BABAM2: variants seen among roughly 807,000 people sequenced by gnomAD.
BABAM2 encodes BRISC and BRCA1-A complex member 2.
In BABAM2, 31 loss-of-function variants were observed where a neutral mutation model predicts 54.7. The observed-to-expected ratio is 0.57, with a 90% CI of 0.43 to 0.77. BABAM2 has a LOEUF of 0.77. BABAM2 is among the 30% of genes least tolerant of loss of function. The pLI, the probability that BABAM2 is intolerant of heterozygous loss-of-function variation, is 0.00. For synonymous variants in BABAM2, 167 were observed against 162.9 expected, an observed-to-expected ratio of 1.03 and a Z score of -0.19; for missense variants, 364 against 455.8, an observed-to-expected ratio of 0.80 and a Z score of 1.83.
chr2:28,090,602 C>T (rs925169525), intron 6 of BABAM2, among the ~76,000 whole-genome samples: 7 of 152,118 alleles, frequency 4.6e-5, no homozygotes, highest in Non-Finnish European at 1.0e-4. Context: ...CTATCGGAAT[C>T]TTTAATTTTG....
At chr2:28,072,911 T>C (rs538907673) in intron 6 of BABAM2, among the ~76,000 whole-genome samples, 15 of 152,358 alleles carry the variant, frequency 9.8e-5, no homozygotes, top group South Asian at 8.3e-4. Flanking sequence ...GGTTAATCTA[T>C]TTCAACTGTA....
intron 10 of BABAM2, among the ~76,000 whole-genome samples, chr2:28,289,112 A>C (rs1687070788): frequency 6.6e-6 from 1 of 152,018 alleles, no homozygotes; most frequent in South Asian, 2.1e-4. Flanking sequence ...CACACACTTT[A>C]AAGATTCATA....
intron 10 of BABAM2, among the ~76,000 whole-genome samples, chr2:28,273,762 C>T (rs1415800137): frequency 6.6e-6 from 1 of 151,992 alleles, no homozygotes; most frequent in East Asian, 1.9e-4. Flanking sequence ...AATCTGATAC[C>T]CAGCAAGTGT....
chr2:28,247,181 C>G (rs1303740453), intron 10 of BABAM2, among the ~76,000 whole-genome samples: 1 of 152,112 alleles, frequency 6.6e-6, no homozygotes, highest in Non-Finnish European at 1.5e-5. Flanking sequence ...TCCTGTACTC[C>G]CCCGGCTGTT....
At chr2:28,032,260 C>T (rs1416117728) in intron 5 of BABAM2, among the ~76,000 whole-genome samples, 1 of 152,122 alleles carries the variant, frequency 6.6e-6, no homozygotes, top group African/African-American at 2.4e-5. Context: ...TAAAAACATT[C>T]CTGCTCTAAA....
At chr2:27,993,130 C>G (rs912970377) in intron 4 of BABAM2, among the ~76,000 whole-genome samples, 1 of 152,124 alleles carries the variant, frequency 6.6e-6, no homozygotes, top group African/African-American at 2.4e-5. Flanking sequence ...GAGGGGTTTT[C>G]TGGGATGCAG....
intron 6 of BABAM2, among the ~76,000 whole-genome samples, chr2:28,080,673 T>G (rs1040632856): frequency 6.6e-6 from 1 of 152,184 alleles, no homozygotes; most frequent in African/African-American, 2.4e-5. Flanking sequence ...GGTTCAAATA[T>G]TTGAAAGAGA....
intron 2 of BABAM2, among the ~76,000 whole-genome samples, chr2:27,923,655 T>A (rs1460337820): frequency 6.6e-6 from 1 of 151,630 alleles, no homozygotes; most frequent in Non-Finnish European, 1.5e-5. Flanking sequence ...TCATAGTTCA[T>A]GTTCATTATA....
chr2:28,059,180 T>A (rs1678669825), intron 6 of BABAM2, among the ~76,000 whole-genome samples: 1 of 152,332 alleles, frequency 6.6e-6, no homozygotes. Context: ...AATACAGAAC[T>A]AGAAGAGAGG....
At chr2:28,318,498 G>T (rs1324443251) in intron 11 of BABAM2, among the ~76,000 whole-genome samples, 1 of 152,118 alleles carries the variant, frequency 6.6e-6, no homozygotes, top group Non-Finnish European at 1.5e-5. Context: ...AATCTCTAGG[G>T]TTTTCAAATC....
chr2:28,312,253 C>T (rs1355036434), intron 11 of BABAM2, among the ~76,000 whole-genome samples: 1 of 152,168 alleles, frequency 6.6e-6, no homozygotes, highest in Non-Finnish European at 1.5e-5. Flanking sequence ...AAGATTCTGT[C>T]TTGTCTTTTG....
chr2:28,114,033 G>A (rs1668372895), intron 6 of BABAM2, among the ~76,000 whole-genome samples: 1 of 152,088 alleles, frequency 6.6e-6, no homozygotes, highest in South Asian at 2.1e-4. Context: ...AAAATAATAA[G>A]AGCTATTTAT....
chr2:28,298,406 AAC>A lies in BABAM2; in HGVS notation c.1005_1006del (p.Asn335LysfsTer22). 1 of 1,614,184 alleles carries A rather than the reference AAC, an allele frequency of 6.2e-7. No individual in the cohort carries two copies. Among genetic ancestry groups the A allele is most frequent in the Non-Finnish European group, 8.5e-7 (1 of 1,180,030 alleles). ...ATTTCAGTCCGTTTATCACTTTACC[AAC>A]AGTGGACAGCTTTACTCCCAGGCCC... is the stretch of plus-strand genomic sequence containing the variant. Reference protein sequence around the residue: ...LTFQSVYHFTNSGQLYSQAQK... With the variant: ...LTFQSVYHFTXSGQLYSQAQK... On this transcript the variant is annotated frameshift_variant, in exon 11 of 12. Coordinates refer to ENST00000379624, the MANE Select transcript of BABAM2 (RefSeq NM_199191.3). LOFTEE classifies it high-confidence loss of function.
At chr2:28,203,503 A>G (rs140200243) in intron 7 of BABAM2, among the ~76,000 whole-genome samples, 109 of 152,226 alleles carry the variant, frequency 7.2e-4, no homozygotes, top group African/African-American at 2.5e-3. Context: ...TATCATCACC[A>G]CCAGTCGGTG....
chr2:28,264,160 T>C (rs982407465), intron 10 of BABAM2, among the ~76,000 whole-genome samples: 7 of 152,196 alleles, frequency 4.6e-5, no homozygotes, highest in African/African-American at 1.4e-4. Flanking sequence ...TGGAATCTTA[T>C]CTAGTTTATA....
intron 6 of BABAM2, among the ~76,000 whole-genome samples, chr2:28,051,505 G>A (rs925737965): frequency 3.3e-5 from 5 of 152,212 alleles, no homozygotes; most frequent in Non-Finnish European, 5.9e-5. Flanking sequence ...TGGAAAAGAA[G>A]CAGGATAATG....
intron 4 of BABAM2, among the ~76,000 whole-genome samples, chr2:28,004,793 G>T (rs1407421420): frequency 6.6e-6 from 1 of 151,862 alleles, no homozygotes; most frequent in East Asian, 1.9e-4. Context: ...GGGCTTAGGT[G>T]ATCCCACCTC....
chr2:27,960,856 A>G (rs1480956485), intron 3 of BABAM2, among the ~76,000 whole-genome samples: 2 of 152,216 alleles, frequency 1.3e-5, no homozygotes, highest in Non-Finnish European at 2.9e-5. Flanking sequence ...TCATACAATA[A>G]TAACCTGCTT....
chr2:28,008,341 G>C (rs1277295382), intron 4 of BABAM2, among the ~76,000 whole-genome samples: 8 of 152,090 alleles, frequency 5.3e-5, no homozygotes, highest in Admixed American at 5.2e-4. Flanking sequence ...CTTTTTAGGA[G>C]ATGCCCTAAA....
Sources: allele counts gnomAD v4.1 joint callset (sites outside exome capture counted in the v4.1 genomes callset), GRCh38; gene constraint gnomAD v4.1.1; transcripts MANE v1.5; gene names NCBI Gene and HGNC (gene_info 2026-07-23, HGNC 2026-07-21).